Variants in DAB1 observed in about 807,000 individuals in gnomAD.
DAB1 encodes disabled homolog 1.
DAB1 carries 15 observed loss-of-function variants against 64.6 expected under a neutral mutation model. That is an observed-to-expected ratio of 0.23 (90% CI 0.16 to 0.36). The LOEUF (loss-of-function observed/expected upper bound fraction) is 0.36, where lower values mean the gene tolerates loss of function less well. Ranked by LOEUF, DAB1 falls within the 10% of genes least tolerant of loss-of-function variation. The pLI is 1.00. For synonymous variants in DAB1, 235 were observed against 251.9 expected (o/e 0.93, Z 0.64); for missense variants, 596 against 706.7 (o/e 0.84, Z 1.78).
At chr1:57,997,155 A>G (rs966615765) in intron 5 of DAB1, among the ~76,000 whole-genome samples, 3 of 152,176 alleles carry the variant, frequency 2.0e-5, no homozygotes, top group Non-Finnish European at 2.9e-5. Flanking sequence ...GCAAGTGGGC[A>G]CCAGCATGTT....
At chr1:57,922,296 T>C (rs1644819480) in intron 5 of DAB1, among the ~76,000 whole-genome samples, 1 of 142,352 alleles carries the variant, frequency 7.0e-6, no homozygotes, top group South Asian at 2.3e-4. Context: ...GGAAGAAAAA[T>C]GAAGGGAGGG....
chr1:57,066,100 C>T (rs181469373), intron 8 of DAB1, among the ~76,000 whole-genome samples: 86 of 152,122 alleles, frequency 5.7e-4, no homozygotes, highest in African/African-American at 1.9e-3. Context: ...GGTAACATTT[C>T]CTGGAGACTC....
intron 3 of DAB1, among the ~76,000 whole-genome samples, chr1:58,371,631 G>A (rs888723270): frequency 6.6e-6 from 1 of 152,200 alleles, no homozygotes; most frequent in Non-Finnish European, 1.5e-5. Context: ...GACTTTCATG[G>A]AATCCCCTCC....
intron 2 of DAB1, among the ~76,000 whole-genome samples, chr1:58,521,425 A>T (rs1646261532): frequency 6.6e-6 from 1 of 152,044 alleles, no homozygotes; most frequent in African/African-American, 2.4e-5. Flanking sequence ...AGAATAAAAT[A>T]ATGAAAAAAA....
intron 6 of DAB1, among the ~76,000 whole-genome samples, chr1:57,679,205 C>T (rs1388187994): frequency 6.6e-6 from 1 of 152,170 alleles, no homozygotes; most frequent in East Asian, 1.9e-4. Context: ...CCCCATAGCC[C>T]ATTCTCTTAA....
At chr1:58,351,911 T>C (rs12145683) in intron 3 of DAB1, among the ~76,000 whole-genome samples, 13,609 of 145,868 alleles carry the variant, frequency 0.093, 642 homozygotes, top group Middle Eastern at 0.13. Context: ...AACCTCAGAG[T>C]TGATATTTTC....
intron 1 of DAB1, among the ~76,000 whole-genome samples, chr1:57,359,283 C>T (rs1031643593): frequency 6.6e-6 from 1 of 151,764 alleles, no homozygotes; most frequent in Non-Finnish European, 1.5e-5. Flanking sequence ...TGTTAAAAGA[C>T]TGAATAAACA....
At chr1:58,161,639 CAT>C (rs1176958915) in intron 4 of DAB1, among the ~76,000 whole-genome samples, 2 of 152,032 alleles carry the variant, frequency 1.3e-5, no homozygotes, top group African/African-American at 4.8e-5. Flanking sequence ...GTTTTAAAGA[CAT>C]ATATGTATAT....
chr1:57,748,098 G>A (rs1385246853), intron 6 of DAB1, among the ~76,000 whole-genome samples: 1 of 152,134 alleles, frequency 6.6e-6, no homozygotes, highest in Non-Finnish European at 1.5e-5. Context: ...TAAGACACTT[G>A]AGAAGAGGCA....
rs1557427730 is a variant in DAB1, at chr1:57,695,356, A to AAG, written n.552-45692_552-45691insCT. ...AGAAAGAAAGAAAGAAAGAAAGAAA[A>AAG]GAAAGAAGAAAGAAAGAAAGAAAGA... On this transcript the variant is annotated intron_variant and non_coding_transcript_variant, in intron 6 of 20. Coordinates refer to the DAB1 transcript ENST00000485760. Among the ~76,000 whole-genome samples the AAG allele has an allele frequency of 9.9e-4, 25 of 25,146 alleles. 1 individual carries two copies. The highest frequency in any genetic ancestry group is 2.5e-3 in the African/African-American group (23 of 9,236). 16.5% of individuals were successfully genotyped at this position (25,146 alleles called of 152,430 possible). A position where few individuals can be genotyped will look rare whatever the true frequency, so the allele number is the denominator to read the frequency against.
chr1:58,292,684 A>G (rs1661874428), intron 4 of DAB1, among the ~76,000 whole-genome samples: 1 of 152,144 alleles, frequency 6.6e-6, no homozygotes, highest in African/African-American at 2.4e-5. Context: ...TGCTCTCTGC[A>G]TAGACCCCAG....
At chr1:57,203,329 G>A (rs1665259204) in intron 2 of DAB1, among the ~76,000 whole-genome samples, 1 of 152,142 alleles carries the variant, frequency 6.6e-6, no homozygotes, top group Middle Eastern at 3.4e-3. Flanking sequence ...GTTTTTGCTT[G>A]TACATCCATT....
chr1:58,296,230 A>AAAGG (rs1553173607), intron 4 of DAB1, among the ~76,000 whole-genome samples: 1 of 151,406 alleles, frequency 6.6e-6, no homozygotes, highest in African/African-American at 2.4e-5. Flanking sequence ...AGAAAGAAAG[A>AAAGG]AAGAAAGAAA....
chr1:57,227,283 C>T (rs1667339600), intron 2 of DAB1, among the ~76,000 whole-genome samples: 1 of 152,072 alleles, frequency 6.6e-6, no homozygotes, highest in Non-Finnish European at 1.5e-5. Context: ...ATTCATTCAA[C>T]AAATATTGTT....
At chr1:58,193,292 C>T (rs958371857) in intron 4 of DAB1, among the ~76,000 whole-genome samples, 3 of 152,132 alleles carry the variant, frequency 2.0e-5, no homozygotes, top group African/African-American at 7.2e-5. Context: ...GTTCTGGCTC[C>T]CCTTTGCCTT....
chr1:57,265,275 G>A (rs1366986674), intron 2 of DAB1, among the ~76,000 whole-genome samples: 2 of 152,190 alleles, frequency 1.3e-5, no homozygotes, highest in African/African-American at 4.8e-5. Flanking sequence ...ATTTTTATGC[G>A]CCTGAGATGT....
chr1:57,180,351 C>A (rs1248154876), intron 2 of DAB1, among the ~76,000 whole-genome samples: 1 of 152,202 alleles, frequency 6.6e-6, no homozygotes. Context: ...TCTGTTATAT[C>A]CCTAGGAGTA....
intron 6 of DAB1, among the ~76,000 whole-genome samples, chr1:57,689,555 G>A (rs1309720167): frequency 6.6e-6 from 1 of 152,170 alleles, no homozygotes; most frequent in African/African-American, 2.4e-5. Context: ...ATCTGAGCAT[G>A]ATACTTGGCT....
intron 1 of DAB1, among the ~76,000 whole-genome samples, chr1:57,850,646 C>T (rs1022997346): frequency 2.0e-5 from 3 of 152,156 alleles, no homozygotes; most frequent in African/African-American, 7.2e-5. Context: ...AGCCCCAAGG[C>T]CTGGCCTGCA....
Sources: gnomAD v4.1 joint callset for allele counts (sites outside exome capture counted in the v4.1 genomes callset) on GRCh38, gnomAD v4.1.1 for gene constraint, MANE v1.5 for transcripts, NCBI Gene and HGNC (gene_info 2026-07-23, HGNC 2026-07-21) for gene names.